Variants in ADGRV1 observed in about 807,000 individuals in gnomAD.
The protein encoded by ADGRV1 is G-protein coupled receptor 98.
ADGRV1 carries 359 observed loss-of-function variants against 596.2 expected under a neutral mutation model. The observed-to-expected ratio is 0.60, with a 90% CI of 0.55 to 0.66. The LOEUF (loss-of-function observed/expected upper bound fraction) is 0.66, where lower values mean the gene tolerates loss of function less well. Ranked by LOEUF, ADGRV1 falls within the 30% of genes least tolerant of loss-of-function variation. ADGRV1 has a pLI of 0.00. For synonymous variants in ADGRV1, 2,681 were observed against 2,679.2 expected (o/e 1.00, Z -0.02); for missense variants, 7,274 against 7,575.6 (o/e 0.96, Z 1.48).
chr5:91,040,846 C>T (rs1398015572), intron 85 of ADGRV1, among the ~76,000 whole-genome samples: 2 of 152,164 alleles, frequency 1.3e-5, no homozygotes, highest in Non-Finnish European at 2.9e-5. Flanking sequence ...ACGGTCATAA[C>T]ACCTTTATGA....
intron 85 of ADGRV1, among the ~76,000 whole-genome samples, chr5:91,019,973 T>G (rs1783499956): frequency 6.6e-6 from 1 of 152,032 alleles, no homozygotes. Flanking sequence ...ATGTTAAAAT[T>G]TTCACCCAAT....
intron 85 of ADGRV1, among the ~76,000 whole-genome samples, chr5:90,998,695 G>T (rs1326104497): frequency 6.6e-6 from 1 of 152,038 alleles, no homozygotes; most frequent in African/African-American, 2.4e-5. Flanking sequence ...TACTTTAAAA[G>T]ATATTGTCAA....
chr5:90,931,989 A>T (rs1024317069), intron 83 of ADGRV1, among the ~76,000 whole-genome samples: 2 of 152,224 alleles, frequency 1.3e-5, no homozygotes, highest in African/African-American at 4.8e-5. Flanking sequence ...CTCTAGCTTT[A>T]GATTTTTACT....
chr5:90,753,537 A>T, intron 53 of ADGRV1, 37 bp from the exon 54 acceptor site: 1 of 1,495,696 alleles, frequency 6.7e-7, no homozygotes, highest in Non-Finnish European at 9.2e-7. Flanking sequence ...AGTGACAATT[A>T]CAAAATAAAT....
At chr5:91,012,337 C>T (rs189006167) in intron 85 of ADGRV1, among the ~76,000 whole-genome samples, 3 of 152,014 alleles carry the variant, frequency 2.0e-5, no homozygotes, top group Admixed American at 1.3e-4. Flanking sequence ...TTCCTTTCTC[C>T]GCCCATTTTC....
At chr5:91,020,585 G>A (rs537309626) in intron 85 of ADGRV1, among the ~76,000 whole-genome samples, 4 of 152,030 alleles carry the variant, frequency 2.6e-5, no homozygotes, top group East Asian at 3.9e-4. Context: ...TTTCAATCAC[G>A]CCATTGCCTG....
At chr5:91,066,185 C>G (rs1787870224) in intron 85 of ADGRV1, among the ~76,000 whole-genome samples, 1 of 152,188 alleles carries the variant, frequency 6.6e-6, no homozygotes, top group African/African-American at 2.4e-5. Context: ...CTTCCACAGC[C>G]CTGGTGCGGG....
intron 26 of ADGRV1, among the ~76,000 whole-genome samples, chr5:90,679,977 TAA>T (rs1327254862): frequency 1.3e-5 from 2 of 152,134 alleles, no homozygotes; most frequent in African/African-American, 4.8e-5. Context: ...TTTGAATACA[TAA>T]AAAGAGGTCA....
intron 87 of ADGRV1, among the ~76,000 whole-genome samples, chr5:91,121,811 T>C (rs1348405579): frequency 1.3e-5 from 2 of 152,156 alleles, no homozygotes; most frequent in Non-Finnish European, 2.9e-5. Flanking sequence ...ATATGAAGCA[T>C]GCTTGGGAGA....
intron 43 of ADGRV1, among the ~76,000 whole-genome samples, 200 bp from the exon 44 acceptor site, chr5:90,719,848 A>G (rs1018183326): frequency 2.0e-5 from 3 of 152,244 alleles, no homozygotes; most frequent in Admixed American, 6.5e-5. Flanking sequence ...AGTGCAGTAT[A>G]TCACAAAGTT....
chr5:90,650,842 A>G (rs1167243076), intron 17 of ADGRV1, among the ~76,000 whole-genome samples: 1 of 152,206 alleles, frequency 6.6e-6, no homozygotes, highest in African/African-American at 2.4e-5. Flanking sequence ...GATTCAAGGA[A>G]GAATTCCTGG....
chr5:90,924,328 T>A (rs889099984), intron 83 of ADGRV1, among the ~76,000 whole-genome samples: 2 of 151,786 alleles, frequency 1.3e-5, no homozygotes, highest in Admixed American at 1.3e-4. Flanking sequence ...CCATTCTAAC[T>A]GGTGTGAGAT....
At chr5:91,043,906 A>G (rs1045397707) in intron 85 of ADGRV1, among the ~76,000 whole-genome samples, 1 of 151,700 alleles carries the variant, frequency 6.6e-6, no homozygotes, top group Non-Finnish European at 1.5e-5. Flanking sequence ...ACCACCATCC[A>G]ATATTATATT....
intron 83 of ADGRV1, among the ~76,000 whole-genome samples, chr5:90,908,240 T>A (rs962279164): frequency 6.6e-5 from 10 of 152,134 alleles, no homozygotes; most frequent in Non-Finnish European, 1.2e-4. Context: ...AATTTTTAAT[T>A]TTTGTGGGTG....
chr5:90,614,152 A>G, intron 1 of ADGRV1: 1 of 321,436 alleles, frequency 3.1e-6, no homozygotes, highest in Non-Finnish European at 5.7e-6. Context: ...CACATATCAT[A>G]GTGAAAAAAA....
At chr5:90,755,207 TG>T (rs1755702079) in intron 55 of ADGRV1, 22 bp downstream of exon 55, 4 of 1,546,624 alleles carry the variant, frequency 2.6e-6, no homozygotes, top group Non-Finnish European at 3.5e-6. Flanking sequence ...CTGCAAAGAA[TG>T]TGATCTAAAA....
intron 34 of ADGRV1, among the ~76,000 whole-genome samples, chr5:90,698,721 A>G (rs1364182004): frequency 2.0e-5 from 3 of 152,108 alleles, no homozygotes; most frequent in Non-Finnish European, 4.4e-5. Context: ...GACAGAGGAA[A>G]AAAAAGCAAA....
rs139470326 is a variant in ADGRV1 at position 90,994,601 on chromosome 5, A to G, written c.18152+9079A>G. ...TTCATTATTTTCTTGTGTATACATC[A>G]TATCTTCTTGGTTTTTTGCATATTT... On this transcript the variant is annotated intron_variant, in intron 85 of 89. Coordinates refer to ENST00000405460, the MANE Select transcript of ADGRV1 (RefSeq NM_032119.4). 4.3e-3 allele frequency among the ~76,000 whole-genome samples: 659 copies of G among 152,252 alleles called. 3 individuals are homozygous for G. The highest frequency in any genetic ancestry group is 0.015 in the African/African-American group (627 of 41,562).
chr5:90,965,178 A>G (rs929309895), intron 83 of ADGRV1, among the ~76,000 whole-genome samples: 2 of 152,146 alleles, frequency 1.3e-5, no homozygotes, highest in African/African-American at 4.8e-5. Context: ...TTTTCTCTTG[A>G]GAGCCTAGAG....
Sources: gnomAD v4.1 joint callset for allele counts (sites outside exome capture counted in the v4.1 genomes callset) on GRCh38, gnomAD v4.1.1 for gene constraint, MANE v1.5 for transcripts, NCBI Gene and HGNC (gene_info 2026-07-23, HGNC 2026-07-21) for gene names.